CAP2: variants seen among roughly 807,000 people sequenced by gnomAD.
The protein encoded by CAP2 is cyclase associated actin cytoskeleton regulatory protein 2.
A neutral mutation model predicts 57.7 loss-of-function variants in CAP2; 24 were observed. The observed-to-expected ratio is 0.42, with a 90% CI of 0.30 to 0.58. The LOEUF is 0.58. CAP2 is among the 20% of genes least tolerant of loss of function. The probability of loss-of-function intolerance (pLI) is 0.22; values close to 1 mark genes in which losing one functional copy is unlikely to be tolerated. For synonymous variants in CAP2, 194 were observed against 207.2 expected, an observed-to-expected ratio of 0.94 and a Z score of 0.55; for missense variants, 501 against 590.3, an observed-to-expected ratio of 0.85 and a Z score of 1.57.
Position 17,463,015 on chromosome 6 carries a change from C to G in CAP2, c.242C>G (p.Ala81Gly). 1 of 1,614,078 alleles carries G rather than the reference C, an allele frequency of 6.2e-7. No individual in the cohort carries two copies. Among genetic ancestry groups the G allele is most frequent in the Non-Finnish European group, 8.5e-7 (1 of 1,179,930 alleles). ...VETHAEMVHS[A>G]FQAQRAFLLM... Reference sequence around the variant, plus strand: ...TCCCAGGCAGAAATGGTGCACAGTGCTTTCCAGGCCCAGCGGGCTTTCCTT... The same window carrying G: ...TCCCAGGCAGAAATGGTGCACAGTGGTTTCCAGGCCCAGCGGGCTTTCCTT... The change falls in exon 4 of 13, where the codon GCT (alanine) becomes GGT (glycine). Residue 81 changes from alanine (A) to glycine (G), a missense_variant. Transcript: ENST00000229922.
chr6:17,517,082 T>A (rs962715585), intron 7 of CAP2, among the ~76,000 whole-genome samples: 1 of 152,010 alleles, frequency 6.6e-6, no homozygotes, highest in African/African-American at 2.4e-5. Flanking sequence ...CGATTTCCAA[T>A]GAGATAGTGT....
intron 4 of CAP2, among the ~76,000 whole-genome samples, chr6:17,464,099 A>G (rs1226236647): frequency 6.6e-6 from 1 of 152,200 alleles, no homozygotes; most frequent in East Asian, 1.9e-4. Context: ...ACATTGTATC[A>G]TGCAAATAAC....
intron 12 of CAP2, 133 bp downstream of exon 12, chr6:17,551,737 G>A: frequency 1.5e-6 from 1 of 664,238 alleles, no homozygotes; most frequent in Non-Finnish European, 2.5e-6. Context: ...GAGGAATTCA[G>A]GGAGCTGTCT....
At chr6:17,533,214 TTAAA>T (rs112668220) in intron 7 of CAP2, among the ~76,000 whole-genome samples, 1,879 of 152,120 alleles carry the variant, frequency 0.012, 46 homozygotes, top group African/African-American at 0.043. Flanking sequence ...TAGAACTATA[TTAAA>T]TAGAGTATAC....
At chr6:17,456,865 C>A (rs1760585036) in intron 3 of CAP2, among the ~76,000 whole-genome samples, 1 of 152,140 alleles carries the variant, frequency 6.6e-6, no homozygotes, top group Admixed American at 6.5e-5. Context: ...TGGGACTTTG[C>A]AGCCTGTAGT....
chr6:17,501,554 C>T (rs1761822313), intron 4 of CAP2, among the ~76,000 whole-genome samples: 1 of 152,212 alleles, frequency 6.6e-6, no homozygotes, highest in Admixed American at 6.6e-5. Context: ...CCAGAAATAA[C>T]AGGCCTATTT....
chr6:17,495,535 C>T (rs536088432), intron 4 of CAP2, among the ~76,000 whole-genome samples: 91 of 152,216 alleles, frequency 6.0e-4, no homozygotes, highest in African/African-American at 2.0e-3. Flanking sequence ...CACACTTTCC[C>T]TTTGGGGTCA....
chr6:17,473,200 C>A (rs1761066573), intron 4 of CAP2, among the ~76,000 whole-genome samples: 2 of 152,122 alleles, frequency 1.3e-5, no homozygotes, highest in Admixed American at 1.3e-4. Flanking sequence ...GGATAATATC[C>A]TTTGTTTGAT....
chr6:17,530,831 C>A (rs1305377347), intron 7 of CAP2: 6 of 493,818 alleles, frequency 1.2e-5, no homozygotes, highest in Admixed American at 4.2e-5. Flanking sequence ...TTTTTTTTTT[C>A]AGTTTGAGAG....
At chr6:17,469,657 GA>G in intron 4 of CAP2, among the ~76,000 whole-genome samples, 1 of 151,988 alleles carries the variant, frequency 6.6e-6, no homozygotes, top group African/African-American at 2.4e-5. Context: ...GTCTTTATTT[GA>G]ACTTGTACTT....
intron 4 of CAP2, among the ~76,000 whole-genome samples, chr6:17,481,959 C>G (rs1407272347): frequency 6.6e-6 from 1 of 152,068 alleles, no homozygotes; most frequent in Non-Finnish European, 1.5e-5. Flanking sequence ...TAGGGGAGTT[C>G]GGGCATGGGA....
intron 11 of CAP2, among the ~76,000 whole-genome samples, chr6:17,543,526 CG>C (rs1319209624): frequency 6.8e-6 from 1 of 147,950 alleles, no homozygotes; most frequent in Non-Finnish European, 1.5e-5. Context: ...GAGGCTGAGG[CG>C]GGAGAATGGC....
chr6:17,441,033 G>T (rs977327562), intron 3 of CAP2, among the ~76,000 whole-genome samples: 5 of 151,574 alleles, frequency 3.3e-5, no homozygotes, highest in South Asian at 2.1e-4. Context: ...GTATTCCATG[G>T]TGTCTCCCAT....
rs1289932715 is a variant in CAP2 at position 17,557,762 on chromosome 6, A to G, written c.*1320A>G. 1 of 152,254 alleles carries G rather than the reference A, an allele frequency of 6.6e-6. No individual in the cohort carries two copies. Among genetic ancestry groups the G allele is most frequent in the Non-Finnish European group, 1.5e-5 (1 of 68,044 alleles). 9.4% of individuals were successfully genotyped at this position (152,254 alleles called of 1,614,324 possible). On this transcript the variant is annotated 3_prime_UTR_variant, in exon 13 of 13. Coordinates refer to ENST00000229922, the MANE Select transcript of CAP2 (RefSeq NM_006366.3). ...CTGTAAACTTATTCTGAAATAAAGT[A>G]AAATTCTAATTGTTTAAATACTGTG...
Position 17,407,352 on chromosome 6 carries a change from G to A in CAP2, c.-2+13606G>A, listed in dbSNP as rs189705851. ...ATTGAAGCTGGGTGTGGTGGCTCAT[G>A]TCTGTAATCCCAGCACTTCGGGAGA... On this transcript the variant is annotated intron_variant, in intron 1 of 12. Transcript: ENST00000229922. 8.9e-4 allele frequency among the ~76,000 whole-genome samples: 136 copies of A among 152,242 alleles called. 1 individual carries two copies. The highest frequency in any genetic ancestry group is 3.2e-3 in the African/African-American group (131 of 41,552).
chr6:17,440,279 A>G (rs907367031), intron 3 of CAP2, among the ~76,000 whole-genome samples: 1 of 151,350 alleles, frequency 6.6e-6, no homozygotes, highest in Admixed American at 6.6e-5. Flanking sequence ...TTTTTAGTAA[A>G]TGGGCTAATT....
intron 2 of CAP2, among the ~76,000 whole-genome samples, chr6:17,422,028 G>C (rs1478839854): frequency 6.6e-6 from 1 of 152,204 alleles, no homozygotes; most frequent in African/African-American, 2.4e-5. Flanking sequence ...GATTACAGGT[G>C]TGAGCCACTG....
At chr6:17,409,106 T>C (rs1340694284) in intron 1 of CAP2, among the ~76,000 whole-genome samples, 1 of 147,028 alleles carries the variant, frequency 6.8e-6, no homozygotes, top group Admixed American at 6.9e-5. Flanking sequence ...GCGTGGTGGC[T>C]CACGCCTGTA....
chr6:17,504,403 C>T (rs940962078), intron 4 of CAP2, among the ~76,000 whole-genome samples: 5 of 152,208 alleles, frequency 3.3e-5, no homozygotes, highest in African/African-American at 9.6e-5. Flanking sequence ...CAAGAAGTCT[C>T]ATTCTAGAAC....
Sources: gnomAD v4.1 joint callset for allele counts (sites outside exome capture counted in the v4.1 genomes callset) on GRCh38, gnomAD v4.1.1 for gene constraint, MANE v1.5 for transcripts, NCBI Gene and HGNC (gene_info 2026-07-23, HGNC 2026-07-21) for gene names.